The following EHBP1 variants were observed in gnomAD, a reference collection of about 807,000 sequenced individuals.
The protein encoded by EHBP1 is EH domain binding protein 1.
In EHBP1, 55 loss-of-function variants were observed where a neutral mutation model predicts 144.0. That is an observed-to-expected ratio of 0.38 (90% CI 0.31 to 0.48). EHBP1 has a LOEUF of 0.48. Ranked by LOEUF, EHBP1 falls within the 20% of genes least tolerant of loss-of-function variation. The pLI is 0.98. For synonymous variants in EHBP1, 469 were observed against 472.7 expected, an observed-to-expected ratio of 0.99 and a Z score of 0.10; for missense variants, 1,200 against 1,364.2, an observed-to-expected ratio of 0.88 and a Z score of 1.90.
intron 7 of EHBP1, 148 bp from the exon 8 acceptor site, chr2:62,859,021 T>TGC: frequency 1.1e-5 from 7 of 647,066 alleles, no homozygotes; most frequent in Non-Finnish European, 1.7e-5. Context: ...TACAAAATAC[T>TGC]TGAATGGCAT....
intron 10 of EHBP1, among the ~76,000 whole-genome samples, chr2:62,932,143 C>T (rs1053582700): frequency 6.6e-6 from 1 of 150,726 alleles, no homozygotes; most frequent in Non-Finnish European, 1.5e-5. Context: ...TGCCACTGTA[C>T]TCTAGCCTGG....
chr2:62,813,221 G>A (rs1308030132), intron 5 of EHBP1, among the ~76,000 whole-genome samples: 1 of 152,180 alleles, frequency 6.6e-6, no homozygotes, highest in African/African-American at 2.4e-5. Flanking sequence ...GTTCAAGCAG[G>A]CCAAGGTACT....
intron 5 of EHBP1, among the ~76,000 whole-genome samples, chr2:62,800,881 T>G (rs2043930945): frequency 2.0e-5 from 3 of 152,162 alleles, no homozygotes; most frequent in Admixed American, 2.0e-4. Context: ...TAGAACTAGA[T>G]GAGATCCACA....
chr2:62,980,848 T>G (rs925661480), intron 15 of EHBP1, among the ~76,000 whole-genome samples: 1 of 148,298 alleles, frequency 6.7e-6, no homozygotes, highest in African/African-American at 2.4e-5. Flanking sequence ...TTAATTTTTT[T>G]TCACGTGTCT....
rs187420765 is a variant in EHBP1, at chr2:62,889,447, G to T, written c.1185+14915G>T. ...GTTTGCTTTTGTTGCAATTACTTTTGGTGTCTTCATCTTGAAATCTTGGTC... is the reference window on the plus strand; with the variant it reads ...GTTTGCTTTTGTTGCAATTACTTTTTGTGTCTTCATCTTGAAATCTTGGTC... On this transcript the variant is annotated intron_variant, in intron 10 of 22. Coordinates refer to ENST00000431489, the MANE Select transcript of EHBP1 (RefSeq NM_001142616.3). 1.4e-3 allele frequency among the ~76,000 whole-genome samples: 216 copies of T among 152,002 alleles called. 2 individuals are homozygous for T. The highest frequency in any genetic ancestry group is 5.0e-3 in the African/African-American group (207 of 41,466).
chr2:62,715,717 ATG>A (rs2035605971), intron 2 of EHBP1, among the ~76,000 whole-genome samples: 1 of 152,168 alleles, frequency 6.6e-6, no homozygotes, highest in Admixed American at 6.5e-5. Flanking sequence ...ATTTTCAACT[ATG>A]TGAATGAGAT....
intron 7 of EHBP1, among the ~76,000 whole-genome samples, chr2:62,845,922 G>T (rs1156509400): frequency 6.6e-6 from 1 of 152,142 alleles, no homozygotes; most frequent in Non-Finnish European, 1.5e-5. Context: ...AAGCAGAGAG[G>T]TAGGGCAATT....
chr2:63,044,689 T>G (rs948681176), intron 21 of EHBP1: 1 of 162,788 alleles, frequency 6.1e-6, no homozygotes, highest in Non-Finnish European at 1.3e-5. Flanking sequence ...CGCCCATCAC[T>G]GTTTCCCGCC....
chr2:62,968,250 C>G (rs939606134), intron 14 of EHBP1, among the ~76,000 whole-genome samples: 4 of 152,088 alleles, frequency 2.6e-5, no homozygotes, highest in Non-Finnish European at 5.9e-5. Flanking sequence ...TTAGGAAGAT[C>G]ATTAACACTT....
exon 1 of EHBP1, chr2:62,674,060 A>T (rs1461928256): frequency 2.1e-6 from 1 of 471,158 alleles, no homozygotes; most frequent in East Asian, 6.9e-5. Flanking sequence ...AGCCAAGCCA[A>T]CCACCTAACC....
At chr2:62,688,882 G>T (rs1159197153) in intron 1 of EHBP1, among the ~76,000 whole-genome samples, 1 of 151,838 alleles carries the variant, frequency 6.6e-6, no homozygotes, top group East Asian at 1.9e-4. Flanking sequence ...CCCCTTTTTG[G>T]TCGAGGAGTG....
intron 3 of EHBP1, among the ~76,000 whole-genome samples, chr2:62,756,338 T>A (rs944969444): frequency 1.3e-5 from 2 of 152,228 alleles, no homozygotes; most frequent in Non-Finnish European, 1.5e-5. Flanking sequence ...TATTGTTGGA[T>A]GAATTTTCCG....
At chr2:62,963,626 T>C (rs2058102199) in intron 14 of EHBP1, among the ~76,000 whole-genome samples, 1 of 152,220 alleles carries the variant, frequency 6.6e-6, no homozygotes, top group South Asian at 2.1e-4. Flanking sequence ...TAATTACACA[T>C]ATTATCAATT....
At chr2:62,740,810 AT>A (rs939303974) in intron 2 of EHBP1, among the ~76,000 whole-genome samples, 1 of 152,078 alleles carries the variant, frequency 6.6e-6, no homozygotes, top group Non-Finnish European at 1.5e-5. Flanking sequence ...GCTATCTTTT[AT>A]TTTTTTGACA....
chr2:62,724,201 A>G (rs1428873596), intron 2 of EHBP1, among the ~76,000 whole-genome samples: 1 of 151,892 alleles, frequency 6.6e-6, no homozygotes, highest in African/African-American at 2.4e-5. Context: ...TTCTTGTCTG[A>G]CTGTCTTATT....
intron 3 of EHBP1, among the ~76,000 whole-genome samples, chr2:62,758,848 T>G (rs565772282): frequency 3.3e-5 from 5 of 152,246 alleles, no homozygotes; most frequent in African/African-American, 4.8e-5. Flanking sequence ...ATGACAGTTA[T>G]GTTGACAACT....
chr2:63,007,946 T>C (rs955072362), intron 19 of EHBP1, among the ~76,000 whole-genome samples: 1 of 151,748 alleles, frequency 6.6e-6, no homozygotes, highest in Non-Finnish European at 1.5e-5. Context: ...ACAGTTTAAT[T>C]AGCTAACCTC....
chr2:62,937,425 A>G (rs2056455308), intron 10 of EHBP1, among the ~76,000 whole-genome samples: 1 of 152,222 alleles, frequency 6.6e-6, no homozygotes, highest in South Asian at 2.1e-4. Flanking sequence ...GTGGGGCATA[A>G]TAGGTGCTCA....
At chr2:62,740,719 T>C (rs1189416837) in intron 2 of EHBP1, among the ~76,000 whole-genome samples, 2 of 152,180 alleles carry the variant, frequency 1.3e-5, no homozygotes, top group Admixed American at 1.3e-4. Context: ...AAATGTGTTG[T>C]ACTTTTTGTG....
Sources: allele counts gnomAD v4.1 joint callset (sites outside exome capture counted in the v4.1 genomes callset), GRCh38; gene constraint gnomAD v4.1.1; transcripts MANE v1.5; gene names NCBI Gene and HGNC (gene_info 2026-07-23, HGNC 2026-07-21).